The following DNAJC2 variants were observed in gnomAD, a reference collection of about 807,000 sequenced individuals.
DNAJC2 encodes the protein dnaJ homolog subfamily C member 2.
DNAJC2 carries 32 observed loss-of-function variants against 94.0 expected under a neutral mutation model. The observed-to-expected ratio is 0.34, with a 90% confidence interval of 0.26 to 0.46. DNAJC2 has a LOEUF of 0.46. Among genes scored for constraint, DNAJC2 ranks in the 20% least tolerant of loss-of-function variants. DNAJC2 has a pLI of 1.00. For missense variants in DNAJC2, 550 were observed against 719.5 expected, an observed-to-expected ratio of 0.76 and a Z score of 2.69; for synonymous variants, 210 against 229.7, an observed-to-expected ratio of 0.91 and a Z score of 0.77.
Position 103,319,803 on chromosome 7 carries a change from T to G in DNAJC2, c.1125A>C (p.Lys375Asn). Residue 375 changes from lysine (K) to asparagine (N), a missense_variant, in exon 11 of 17, where the codon AAA becomes AAC. Physicochemically the swap from Lys to Asn is moderately conservative, Grantham distance 94. Around this residue, in one of 2 missense-constraint regions of DNAJC2, gnomAD observed 271 missense variants for 302.6 expected, o/e 0.90. Transcript: ENST00000379263. ...HFSDNEAERV[K>N]MMEEVEKLCD... ...AAAGTTTTTCCACTTCTTCCATCAT[T>G]TTAACCCGCTCTGCCTCATTATCAG... 2 of 1,614,174 alleles carry G rather than the reference T, an allele frequency of 1.2e-6. No individual in the cohort carries two copies. Among genetic ancestry groups the G allele is most frequent in the Non-Finnish European group, 1.7e-6 (2 of 1,180,032 alleles).
intron 7 of DNAJC2, among the ~76,000 whole-genome samples, chr7:103,323,057 GT>G (rs1818507315): frequency 1.3e-5 from 2 of 151,964 alleles, no homozygotes; most frequent in Non-Finnish European, 2.9e-5. Context: ...AGCCTCCGGA[GT>G]AGCTGGAATT....
intron 15 of DNAJC2, chr7:103,313,437 C>G: frequency 1.0e-6 from 1 of 984,244 alleles, no homozygotes; most frequent in Non-Finnish European, 1.2e-6. Flanking sequence ...GACTCTTGGA[C>G]TCAAAAACAC....
At chr7:103,329,038 CCACAGT>C in intron 3 of DNAJC2, 1 of 1,239,506 alleles carries the variant, frequency 8.1e-7, no homozygotes, top group Non-Finnish European at 1.0e-6. Flanking sequence ...ACAGCCTCAG[CCACAGT>C]ACGTCTAATT....
At chr7:103,323,521 C>T (rs977221628) in intron 7 of DNAJC2, 77 bp downstream of exon 7, 32 of 1,314,638 alleles carry the variant, frequency 2.4e-5, no homozygotes, top group Middle Eastern at 2.1e-4. Context: ...AGAAAATTTA[C>T]GTGACAATTT....
At chr7:103,334,821 C>T (rs1819103796) in intron 3 of DNAJC2, among the ~76,000 whole-genome samples, 2 of 152,014 alleles carry the variant, frequency 1.3e-5, no homozygotes, top group Non-Finnish European at 2.9e-5. Context: ...GAAACAGTGA[C>T]AAATATTTTT....
intron 3 of DNAJC2, among the ~76,000 whole-genome samples, chr7:103,332,007 ATTT>A (rs56703501): frequency 1.8e-4 from 24 of 134,042 alleles, no homozygotes; most frequent in African/African-American, 4.0e-4. Flanking sequence ...TAAATTTGCT[ATTT>A]TTTTTTTTTT....
In DNAJC2 at chr7:103,313,031, G is replaced by A; in HGVS notation, c.1707C>T (p.Tyr569=). Residue 569 remains tyrosine (Y), a synonymous_variant, in exon 16 of 17, where the codon TAC becomes TAT. Coordinates refer to ENST00000379263, the MANE Select transcript of DNAJC2 (RefSeq NM_014377.3). ...CCCATCTTTCAGGTGTATTTACTGG[G>A]TATGTTTTCAAAGCTTGTTCCAAAA... ...QKLLEQALKT[Y]PVNTPERWEK... The A allele has an allele frequency of 2.5e-6, 4 of 1,613,908 alleles. No individual in the cohort carries two copies. The highest frequency in any genetic ancestry group is 1.3e-5 in the African/African-American group (1 of 75,000).
intron 2 of DNAJC2, 58 bp downstream of exon 2, chr7:103,341,706 A>G (rs1819379702): frequency 7.3e-7 from 1 of 1,371,188 alleles, no homozygotes. Context: ...AACTCATAAG[A>G]AAATTGTCTA....
rs534168946 is a variant in DNAJC2, at chr7:103,329,905, G to A, written c.332-2151C>T. 5.3e-5 allele frequency among the ~76,000 whole-genome samples: 8 copies of A among 151,986 alleles called. No individual in the cohort carries two copies. The South Asian group carries it at 1.2e-3, about 24-fold the overall frequency. ...TATATTTATTTCCTTCTTTCCAATA[G>A]TTGTCTCTTATTTAATAACTTAACT... On this transcript the variant is annotated intron_variant, in intron 3 of 16. Transcript: ENST00000379263.
chr7:103,332,035 T>C (rs558128080), intron 3 of DNAJC2, among the ~76,000 whole-genome samples: 2 of 151,226 alleles, frequency 1.3e-5, no homozygotes, highest in East Asian at 1.9e-4. Context: ...GGCGGAGTCT[T>C]GCTCTGTCAC....
At chr7:103,320,169 A>G (rs1586074877) in intron 10 of DNAJC2, among the ~76,000 whole-genome samples, 1 of 151,480 alleles carries the variant, frequency 6.6e-6, no homozygotes, top group African/African-American at 2.4e-5. Flanking sequence ...GCTCACTGCA[A>G]CCTCCACCTC....
intron 10 of DNAJC2, among the ~76,000 whole-genome samples, chr7:103,321,157 C>G (rs973156512): frequency 1.3e-5 from 2 of 152,180 alleles, no homozygotes; most frequent in Non-Finnish European, 2.9e-5. Context: ...GAGATGGCGC[C>G]ACTGCACTCC....
Position 103,344,111 on chromosome 7 carries a change from T to C in DNAJC2, c.64+448A>G, listed in dbSNP as rs115979438. 1,171 of 168,726 alleles carry C rather than the reference T, an allele frequency of 6.9e-3. 21 individuals carry two copies. The highest frequency in any genetic ancestry group is 0.027 in the African/African-American group (1,129 of 42,096). 10.5% of individuals were successfully genotyped at this position (168,726 alleles called of 1,614,324 possible). A position where few individuals can be genotyped will look rare whatever the true frequency, so the allele number is the denominator to read the frequency against. On this transcript the variant is annotated intron_variant, in intron 1 of 16. Transcript: ENST00000379263. ...AGTATGAGGAGCGGTGTCTGAGTTG[T>C]GACATTTAAAAAACAAGGCCGGAGC...
chr7:103,323,764 C>T, intron 6 of DNAJC2, 101 bp from the exon 7 acceptor site: 1 of 920,052 alleles, frequency 1.1e-6, no homozygotes, highest in Non-Finnish European at 1.5e-6. Context: ...ACCTTTCCTT[C>T]CCTTCTAGTA....
At chr7:103,322,906 C>A in intron 7 of DNAJC2, 112 bp from the exon 8 acceptor site, 1 of 853,060 alleles carries the variant, frequency 1.2e-6, no homozygotes, top group Non-Finnish European at 1.8e-6. Context: ...GGTTAAAATG[C>A]TGTGTCATTA....
chr7:103,316,099 A>AT lies in DNAJC2; in HGVS notation c.1428-12dup. On this transcript the variant is annotated splice_polypyrimidine_tract_variant and intron_variant, in intron 13 of 16. Coordinates refer to ENST00000379263, the MANE Select transcript of DNAJC2 (RefSeq NM_014377.3). Reference sequence around the variant, plus strand: ...GCAATAACTTCCCATCTGATAGGATATATTATACAATAATATGAATAGTAG... The same window carrying AT: ...GCAATAACTTCCCATCTGATAGGATATTATTATACAATAATATGAATAGTAG... 6.7e-7 allele frequency: 1 copy of AT among 1,489,422 alleles called. No homozygotes were observed. The highest frequency in any genetic ancestry group is 1.2e-5 in the South Asian group (1 of 80,598). 92.3% of individuals were successfully genotyped at this position (1,489,422 alleles called of 1,614,324 possible). A position where few individuals can be genotyped will look rare whatever the true frequency, so the allele number is the denominator to read the frequency against.
chr7:103,321,421 G>A (rs1402715689), intron 10 of DNAJC2, among the ~76,000 whole-genome samples: 1 of 152,058 alleles, frequency 6.6e-6, no homozygotes, highest in East Asian at 1.9e-4. Flanking sequence ...AGGAGGCTGA[G>A]GCAGGAGAGT....
chr7:103,312,781 G>C (rs1188473202), intron 16 of DNAJC2, 138 bp from the exon 17 acceptor site: 3 of 1,510,778 alleles, frequency 2.0e-6, no homozygotes, highest in South Asian at 1.4e-5. Context: ...CCAGGGCCTA[G>C]AAAGTTTCTA....
chr7:103,316,790 T>A, intron 13 of DNAJC2, 40 bp downstream of exon 13: 1 of 1,537,830 alleles, frequency 6.5e-7, no homozygotes, highest in Non-Finnish European at 8.9e-7. Flanking sequence ...ATCTCCAGGC[T>A]CCAGTGTGAG....
Sources: gnomAD v4.1 joint callset for allele counts (sites outside exome capture counted in the v4.1 genomes callset) on GRCh38, gnomAD v4.1.1 for gene constraint, gnomAD v4.1.1 regional missense constraint, MANE v1.5 for transcripts, NCBI Gene and HGNC (gene_info 2026-07-23, HGNC 2026-07-21) for gene names.